The following TAOK1 variants were observed in gnomAD, a reference collection of about 807,000 sequenced individuals.
The protein encoded by TAOK1 is serine/threonine-protein kinase TAO1.
TAOK1 carries 21 observed loss-of-function variants against 138.3 expected under a neutral mutation model. The ratio of observed to expected loss-of-function variants is 0.15; its 90% CI spans 0.11 to 0.22. TAOK1 has a LOEUF of 0.22. Among genes scored for constraint, TAOK1 ranks in the 10% least tolerant of loss-of-function variants. The pLI is 1.00. For synonymous variants in TAOK1, 361 were observed against 398.4 expected (o/e 0.91, Z 1.12); for missense variants, 651 against 1,227.7 (o/e 0.53, Z 7.02).
intron 1 of TAOK1, among the ~76,000 whole-genome samples, chr17:29,438,546 G>T (rs1906109811): frequency 6.6e-6 from 1 of 152,154 alleles, no homozygotes; most frequent in African/African-American, 2.4e-5. Context: ...GTTGGGCGTG[G>T]TGACACATGC....
At chr17:29,435,137 C>G (rs1905986519) in intron 1 of TAOK1, among the ~76,000 whole-genome samples, 1 of 148,420 alleles carries the variant, frequency 6.7e-6, no homozygotes, top group Non-Finnish European at 1.5e-5. Context: ...GATAATTGCT[C>G]AGAACTAGAA....
intron 1 of TAOK1, among the ~76,000 whole-genome samples, chr17:29,405,174 G>A (rs886718630): frequency 6.6e-6 from 1 of 152,084 alleles, no homozygotes; most frequent in Non-Finnish European, 1.5e-5. Context: ...TTTTAGTAGA[G>A]ATGGGGTTTC....
chr17:29,465,988 T>A (rs2030658799), intron 2 of TAOK1, among the ~76,000 whole-genome samples: 1 of 152,096 alleles, frequency 6.6e-6, no homozygotes, highest in Admixed American at 6.5e-5. Flanking sequence ...GCTAATTTTG[T>A]TTTTCTAAGA....
At chr17:29,394,809 T>G (rs925141393) in intron 1 of TAOK1, among the ~76,000 whole-genome samples, 2 of 152,222 alleles carry the variant, frequency 1.3e-5, no homozygotes. Flanking sequence ...AAGTGTTATT[T>G]CTGGGCTGGG....
rs533192974 is a variant in TAOK1 at position 29,468,026 on chromosome 17, C to G, written c.204+810C>G. On this transcript the variant is annotated intron_variant, in intron 3 of 19. Coordinates refer to ENST00000261716, the MANE Select transcript of TAOK1 (RefSeq NM_020791.4). ...ATTTTTAGTAGAGACAGGGTGTCTCCATGTTGGCCAGGCTGGTCTCAAACT... is the reference window on the plus strand; with the variant it reads ...ATTTTTAGTAGAGACAGGGTGTCTCGATGTTGGCCAGGCTGGTCTCAAACT... Among the ~76,000 whole-genome samples the G allele has an allele frequency of 7.1e-4, 108 of 151,126 alleles. 1 individual carries two copies. Among genetic ancestry groups the G allele is most frequent in the Non-Finnish European group, 3.2e-4 (22 of 67,848 alleles).
At chr17:29,487,043 G>T (rs1002257704) in intron 8 of TAOK1, among the ~76,000 whole-genome samples, 1 of 152,166 alleles carries the variant, frequency 6.6e-6, no homozygotes, top group Non-Finnish European at 1.5e-5. Flanking sequence ...GAGGTCAGGA[G>T]TTCAAGACCA....
At position 29,509,541 on chromosome 17, in the gene TAOK1, A is replaced by G. The variant is rs369303749; in HGVS notation, c.1576-1323A>G. ...TAGCTTGGGAAAAGGCGATACTAAC[A>G]TATTTAGGAAAACAATTCCTGAAGC... On this transcript the variant is annotated intron_variant, in intron 14 of 19. Coordinates refer to ENST00000261716, the MANE Select transcript of TAOK1 (RefSeq NM_020791.4). 1.1e-3 allele frequency among the ~76,000 whole-genome samples: 161 copies of G among 152,146 alleles called. 5 individuals are homozygous for G. The South Asian group carries it at 0.033, about 32-fold the overall frequency.
At chr17:29,438,356 CT>C (rs1226140041) in intron 1 of TAOK1, among the ~76,000 whole-genome samples, 2 of 152,144 alleles carry the variant, frequency 1.3e-5, no homozygotes, top group East Asian at 1.9e-4. Flanking sequence ...AAGTTTCCTA[CT>C]TTTCTCTGTT....
chr17:29,464,252 G>A (rs1372808266), intron 2 of TAOK1, among the ~76,000 whole-genome samples: 5 of 151,036 alleles, frequency 3.3e-5, no homozygotes, highest in East Asian at 1.9e-4. Context: ...TGGCTAACAC[G>A]ATGAAACCCC....
chr17:29,467,487 T>C (rs1351094917), intron 3 of TAOK1, among the ~76,000 whole-genome samples: 1 of 152,172 alleles, frequency 6.6e-6, no homozygotes, highest in Non-Finnish European at 1.5e-5. Context: ...TTAGCCAGGA[T>C]GGTCTTGATC....
intron 2 of TAOK1, among the ~76,000 whole-genome samples, chr17:29,459,660 T>A (rs2153024999): frequency 6.6e-6 from 1 of 152,352 alleles, no homozygotes; most frequent in East Asian, 1.9e-4. Flanking sequence ...GGTGGACACT[T>A]ACATTGTTTC....
At position 29,542,521 on chromosome 17, in the gene TAOK1, A is replaced by G. The variant is rs2032334289; in HGVS notation, c.2545-40A>G. ...GCTTCCTTTCTTTATAGACTTAAAA[A>G]TAATAAATTGGCTTTCATTTTTCTT... is the stretch of plus-strand genomic sequence containing the variant. On this transcript the variant is annotated intron_variant, in intron 19 of 19. Transcript: ENST00000261716. 2.0e-6 allele frequency: 3 copies of G among 1,511,032 alleles called. No individual in the cohort carries two copies. The African/African-American group carries it at 4.2e-5, about 21-fold the overall frequency. 93.6% of individuals were successfully genotyped at this position (1,511,032 alleles called of 1,614,324 possible). A position where few individuals can be genotyped will look rare whatever the true frequency, so the allele number is the denominator to read the frequency against.
intron 3 of TAOK1, among the ~76,000 whole-genome samples, chr17:29,473,594 C>T (rs1356076048): frequency 4.2e-5 from 4 of 94,148 alleles, no homozygotes; most frequent in Non-Finnish European, 9.3e-5. Context: ...GTGAAACTCT[C>T]AAAAAAAAAA....
At position 29,430,593 on chromosome 17, in the gene TAOK1, C is replaced by T. The variant is rs117935390; in HGVS notation, c.-94-20862C>T. On this transcript the variant is annotated intron_variant, in intron 1 of 19. Transcript: ENST00000261716. ...GTGCTCAGGAAAGGTCAAAGGGAGTCGCCTCTGGTCCTTTTGTTACTTAGG... is the reference window on the plus strand; with the variant it reads ...GTGCTCAGGAAAGGTCAAAGGGAGTTGCCTCTGGTCCTTTTGTTACTTAGG... Among the ~76,000 whole-genome samples, 12 of 152,264 alleles carry T rather than the reference C, an allele frequency of 7.9e-5. No individual in the cohort carries two copies. In the East Asian group the frequency reaches 1.2e-3, roughly 15 times the overall value.
In TAOK1 at chr17:29,466,671, CTG is replaced by C. The variant is rs574445805; in HGVS notation, c.133-472_133-471del. Among the ~76,000 whole-genome samples the C allele has an allele frequency of 2.4e-3, 365 of 152,270 alleles. 4 individuals carry two copies. The highest frequency in any genetic ancestry group is 8.3e-3 in the African/African-American group (345 of 41,562). ...ATTCTGGAAAGTTCCTTTGGTAAAA[CTG>C]TTTTTCACTGAAGACTATGTTAAAG... On this transcript the variant is annotated intron_variant, in intron 2 of 19. Transcript: ENST00000261716.
chr17:29,504,847 T>C (rs902460072), intron 13 of TAOK1, among the ~76,000 whole-genome samples: 2 of 152,220 alleles, frequency 1.3e-5, no homozygotes, highest in Non-Finnish European at 2.9e-5. Context: ...AGGTTATTCC[T>C]ACTATTCTGC....
At chr17:29,500,175 A>G (rs182687319) in intron 12 of TAOK1, among the ~76,000 whole-genome samples, 1 of 152,142 alleles carries the variant, frequency 6.6e-6, no homozygotes, top group African/African-American at 2.4e-5. Context: ...TTAGCTCGGC[A>G]TGGTGGTGCA....
At chr17:29,489,189 A>ATT (rs1425021265) in intron 8 of TAOK1, among the ~76,000 whole-genome samples, 1 of 152,138 alleles carries the variant, frequency 6.6e-6, no homozygotes, top group African/African-American at 2.4e-5. Context: ...TTTATTCTCA[A>ATT]TTGATTCACT....
chr17:29,482,469 A>G (rs1047829493), intron 8 of TAOK1, among the ~76,000 whole-genome samples, 181 bp downstream of exon 8: 22 of 152,146 alleles, frequency 1.4e-4, no homozygotes, highest in Admixed American at 1.0e-3. Flanking sequence ...AGGGTTACCT[A>G]TATTATATTT....
Sources: gnomAD v4.1 joint callset for allele counts (sites outside exome capture counted in the v4.1 genomes callset) on GRCh38, gnomAD v4.1.1 for gene constraint, MANE v1.5 for transcripts, NCBI Gene and HGNC (gene_info 2026-07-23, HGNC 2026-07-21) for gene names.